The following SREBF1 variants were observed in gnomAD, a reference collection of about 807,000 sequenced individuals.
SREBF1 encodes sterol regulatory element-binding protein 1.
In SREBF1, 45 loss-of-function variants were observed where a neutral mutation model predicts 100.1. The observed-to-expected ratio is 0.45, with a 90% CI of 0.35 to 0.58. SREBF1 has a LOEUF of 0.58. Among genes scored for constraint, SREBF1 ranks in the 20% least tolerant of loss-of-function variants. SREBF1 has a pLI of 0.00. For synonymous variants in SREBF1, 657 were observed against 681.8 expected (o/e 0.96, Z 0.57); for missense variants, 1,324 against 1,539.4 (o/e 0.86, Z 2.34).
chr17:17,821,057 G>T (rs1006501462), intron 1 of SREBF1, among the ~76,000 whole-genome samples: 6 of 152,176 alleles, frequency 3.9e-5, no homozygotes, highest in African/African-American at 1.4e-4. Context: ...GGAGCTGGGA[G>T]TGTCCTGTAG....
At position 17,819,705 on chromosome 17, in the gene SREBF1, G is replaced by T. The variant is rs70937018; in HGVS notation, c.544C>A (p.Gln182Lys). The T allele has an allele frequency of 6.2e-7, 1 of 1,606,702 alleles. No homozygotes were observed. Among genetic ancestry groups the T allele is most frequent in the South Asian group, 1.1e-5 (1 of 90,590 alleles). ...AGTGGCAGGCCAGGCAGCGGCTGCTGGGTGTTCCCGGGAGGGCTTCCTGCA... is the reference window on the plus strand; with the variant it reads ...AGTGGCAGGCCAGGCAGCGGCTGCTTGGTGTTCCCGGGAGGGCTTCCTGCA... Reference protein sequence around the residue: ...FSTGSPPGNTQQPLPGLPLAS... With the variant: ...FSTGSPPGNTKQPLPGLPLAS... The change falls in exon 3 of 19, where the codon CAG (glutamine) becomes AAG (lysine). Residue 182 changes from glutamine (Q) to lysine (K), a missense_variant. Transcript: ENST00000261646.
intron 6 of SREBF1, 120 bp from the exon 7 acceptor site, chr17:17,818,036 G>A: frequency 8.8e-7 from 1 of 1,140,188 alleles, no homozygotes; most frequent in East Asian, 2.4e-5. Flanking sequence ...AGGACGCTTT[G>A]ATGGGGCTGG....
rs1283731900 is a variant in SREBF1, at chr17:17,811,582, AC to A, written c.*1039del. 10 of 384,134 alleles carry A rather than the reference AC, an allele frequency of 2.6e-5. No homozygotes were observed. Among genetic ancestry groups the A allele is most frequent in the African/African-American group, 1.8e-4 (8 of 44,594 alleles). The allele number at this position is 384,134 out of a possible 1,614,324, so 23.8% of individuals were successfully genotyped here. ...AGTCAGGGAGTCGGCCTTTCACAGA[AC>A]AGGAAACCTCCCCCGCCCCTGTGCC... On this transcript the variant is annotated 3_prime_UTR_variant, in exon 19 of 19. Coordinates refer to ENST00000261646, the MANE Select transcript of SREBF1 (RefSeq NM_004176.5).
chr17:17,820,967 C>T (rs1034181649), intron 1 of SREBF1: 6 of 243,002 alleles, frequency 2.5e-5, no homozygotes, highest in Admixed American at 1.0e-4. Context: ...GTGCTGAGTG[C>T]TGAGTGCCCA....
rs1267523715 is a variant in SREBF1, at chr17:17,829,202, AAAAATAT to A, written c.91+7518_91+7524del. Among the ~76,000 whole-genome samples the A allele has an allele frequency of 8.0e-3, 293 of 36,440 alleles. 7 individuals are homozygous for A. Among genetic ancestry groups the A allele is most frequent in the African/African-American group, 0.024 (276 of 11,598 alleles). The allele number at this position is 36,440 out of a possible 152,430, so 23.9% of individuals were successfully genotyped here. On this transcript the variant is annotated intron_variant, in intron 1 of 18. Transcript: ENST00000261646. ...ACGAGACTCCATCTTAAAAAAAAAAAAAAATATATATATATATATATATATATATATA... is the reference window on the plus strand; with the variant it reads ...ACGAGACTCCATCTTAAAAAAAAAAAATATATATATATATATATATATATA...
At chr17:17,812,909 G>A in intron 18 of SREBF1, 58 bp from the exon 19 acceptor site, 1 of 1,413,652 alleles carries the variant, frequency 7.1e-7, no homozygotes, top group South Asian at 1.5e-5. Context: ...CCCCGCGGGA[G>A]CCCTGCCCAC....
intron 9 of SREBF1, 61 bp downstream of exon 9, chr17:17,816,897 C>A: frequency 1.2e-6 from 2 of 1,608,922 alleles, no homozygotes; most frequent in Non-Finnish European, 1.7e-6. Flanking sequence ...AGGGTTGACA[C>A]CCAGCACCTT....
Position 17,815,975 on chromosome 17 carries a change from C to A in SREBF1, c.2268G>T (p.Val756=). The stretch of plus-strand genomic sequence containing the variant: ...GGCAGAGCCACTGCATGGCAGGAGG[C>A]ACTGAGCCACTCTGTGCCAGGCAGG... ...RQACLAQSGS[V]PPAMQWLCHP... Residue 756 remains valine, a synonymous_variant, in exon 12 of 19, where the codon GTG becomes GTT. Transcript: ENST00000261646. 6.2e-7 allele frequency: 1 copy of A among 1,612,836 alleles called. No homozygotes were observed. Among genetic ancestry groups the A allele is most frequent in the Non-Finnish European group, 8.5e-7 (1 of 1,179,920 alleles).
Position 17,817,080 on chromosome 17 carries a change from G to C in SREBF1, c.1663C>G (p.Leu555Val), listed in dbSNP as rs761385181. Residue 555 changes from leucine to valine, a missense_variant, in exon 9 of 19, where the codon CTG (leucine) becomes GTG (valine). Coordinates refer to ENST00000261646, the MANE Select transcript of SREBF1 (RefSeq NM_004176.5). This position sits in a 1 kb window ranked among gnomAD's most constrained non-coding sequence, Gnocchi z 6.6. ...AGCACCAAGGAGACGAGCACCAACAGCCCATTGAGCAGCCAGACCACTGGG... is the reference window on the plus strand; with the variant it reads ...AGCACCAAGGAGACGAGCACCAACACCCCATTGAGCAGCCAGACCACTGGG... ...LPPVVWLLNGLLVLVSLVLLF... is the reference protein window; with the variant it reads ...LPPVVWLLNGVLVLVSLVLLF... 4 of 1,613,146 alleles carry C rather than the reference G, an allele frequency of 2.5e-6. No homozygotes were observed. In the East Asian group the frequency reaches 6.7e-5, roughly 27 times the overall value.
chr17:17,825,412 G>T (rs906462903), intron 1 of SREBF1, among the ~76,000 whole-genome samples: 2 of 152,064 alleles, frequency 1.3e-5, no homozygotes, highest in African/African-American at 4.8e-5. Context: ...GGGCGGGGGG[G>T]GCCTTCCAAG....
intron 1 of SREBF1, among the ~76,000 whole-genome samples, chr17:17,833,957 C>T (rs1342861690): frequency 6.6e-6 from 1 of 150,538 alleles, no homozygotes; most frequent in African/African-American, 2.5e-5. Context: ...GGCAAAAGAG[C>T]GAGACCCTGT....
At chr17:17,813,929 C>T (rs562244777) in intron 16 of SREBF1, 160 bp from the exon 17 acceptor site, 4 of 812,318 alleles carry the variant, frequency 4.9e-6, no homozygotes, top group South Asian at 1.7e-5. Flanking sequence ...CGGGGCCGCC[C>T]GCCTCTCTCG....
At position 17,836,712 on chromosome 17, in the gene SREBF1, C is replaced by T. The variant is rs1413684223; in HGVS notation, c.91+15G>A. On this transcript the variant is annotated intron_variant, in intron 1 of 18. Transcript: ENST00000261646. ...CCACCCGGCGCAGCTTCAAGCCCTG[C>T]CCGCCCTGACGCACCTTCGATGTCG... 3 of 1,554,686 alleles carry T rather than the reference C, an allele frequency of 1.9e-6. No homozygotes were observed. Among genetic ancestry groups the T allele is most frequent in the Non-Finnish European group, 2.6e-6 (3 of 1,157,180 alleles).
intron 17 of SREBF1, 40 bp from the exon 18 acceptor site, chr17:17,813,519 C>T (rs771091928): frequency 1.3e-6 from 2 of 1,589,414 alleles, no homozygotes; most frequent in South Asian, 2.3e-5. Flanking sequence ...CTCTCCATCT[C>T]CACCACTGCC....
chr17:17,820,176 G>A lies in SREBF1; in HGVS notation c.437C>T (p.Pro146Leu), dbSNP rs370217056. The part of the protein sequence containing the change: ...TPQPLPGALL[P>L]QSFPAPAPPQ... The stretch of plus-strand genomic sequence containing the variant: ...TGGGGCTGGGGCTGGGAAGCTCTGT[G>A]GCAGGAGGGCCCCTGGCAGGGGCTG... Residue 146 changes from proline to leucine, a missense_variant, in exon 2 of 19, where the codon CCA (proline) becomes CTA (leucine). Coordinates refer to ENST00000261646, the MANE Select transcript of SREBF1 (RefSeq NM_004176.5). The A allele has an allele frequency of 9.9e-6, 16 of 1,613,286 alleles. No homozygotes were observed. Among genetic ancestry groups the A allele is most frequent in the Middle Eastern group, 1.7e-4 (1 of 6,056 alleles).
chr17:17,813,864 A>G (rs1359466877), intron 16 of SREBF1, 95 bp from the exon 17 acceptor site: 2 of 1,295,026 alleles, frequency 1.5e-6, no homozygotes, highest in East Asian at 2.5e-5. Context: ...TCCGGGCTGC[A>G]CTGCCGAGGC....
intron 1 of SREBF1, among the ~76,000 whole-genome samples, chr17:17,825,352 C>T (rs1324491469): frequency 6.6e-6 from 1 of 152,144 alleles, no homozygotes; most frequent in Non-Finnish European, 1.5e-5. Context: ...AGGGCGGTTG[C>T]TCTCTGAGCC....
At chr17:17,818,408 G>A (rs1442573525) in intron 5 of SREBF1, 34 bp from the exon 6 acceptor site, 5 of 1,558,098 alleles carry the variant, frequency 3.2e-6, no homozygotes, top group Admixed American at 1.7e-5. Context: ...GAGCGCACAG[G>A]TGGCCTGTCA....
chr17:17,815,809 G>A, intron 12 of SREBF1, 51 bp downstream of exon 12: 1 of 1,567,016 alleles, frequency 6.4e-7, no homozygotes, highest in Non-Finnish European at 8.7e-7. Flanking sequence ...GGACAGGACA[G>A]GAATGAGGAT....
Sources: gnomAD v4.1 joint callset for allele counts (sites outside exome capture counted in the v4.1 genomes callset) on GRCh38, gnomAD v4.1.1 for gene constraint, Gnocchi (gnomAD v3.1) non-coding constraint, MANE v1.5 for transcripts, NCBI Gene and HGNC (gene_info 2026-07-23, HGNC 2026-07-21) for gene names.